CPQ: variants seen among roughly 807,000 people sequenced by gnomAD.
CPQ encodes the protein Ser-Met dipeptidase.
CPQ carries 37 observed loss-of-function variants against 45.7 expected under a neutral mutation model. The ratio of observed to expected loss-of-function variants is 0.81; its 90% CI spans 0.62 to 1.07. CPQ has a LOEUF of 1.07. Among genes scored for constraint, CPQ ranks in the 50% least tolerant of loss-of-function variants. The pLI, the probability that CPQ is intolerant of heterozygous loss-of-function variation, is 0.00. For synonymous variants in CPQ, 186 were observed against 205.8 expected, an observed-to-expected ratio of 0.90 and a Z score of 0.82; for missense variants, 537 against 572.9, an observed-to-expected ratio of 0.94 and a Z score of 0.64.
intron 1 of CPQ, among the ~76,000 whole-genome samples, chr8:96,680,228 A>C (rs759709060): frequency 5.3e-5 from 8 of 152,174 alleles, no homozygotes; most frequent in Non-Finnish European, 7.3e-5. Context: ...TACAGTTTCC[A>C]AAGTTCCTCT....
chr8:96,691,467 C>G (rs1374589214), intron 1 of CPQ, among the ~76,000 whole-genome samples: 1 of 152,082 alleles, frequency 6.6e-6, no homozygotes, highest in African/African-American at 2.4e-5. Flanking sequence ...TTTTGGGGGA[C>G]CATTACTCAA....
At chr8:96,904,522 C>T (rs190319821) in intron 4 of CPQ, among the ~76,000 whole-genome samples, 2 of 152,268 alleles carry the variant, frequency 1.3e-5, no homozygotes, top group Admixed American at 1.3e-4. Context: ...TGATCTGTCA[C>T]CTGGTCCTCT....
chr8:96,750,998 T>G (rs1380056716), intron 1 of CPQ, among the ~76,000 whole-genome samples: 4 of 152,268 alleles, frequency 2.6e-5, no homozygotes, highest in African/African-American at 9.6e-5. Flanking sequence ...AGTATTCCAT[T>G]ATGTATATGT....
At chr8:96,685,712 T>A (rs1809218276) in intron 1 of CPQ, among the ~76,000 whole-genome samples, 1 of 152,150 alleles carries the variant, frequency 6.6e-6, no homozygotes, top group Non-Finnish European at 1.5e-5. Flanking sequence ...TTCTTATTTT[T>A]CCTGTGAACT....
chr8:97,114,485 C>G (rs1032571494), intron 7 of CPQ, among the ~76,000 whole-genome samples: 1 of 152,194 alleles, frequency 6.6e-6, no homozygotes, highest in Non-Finnish European at 1.5e-5. Context: ...GCCTGGCACA[C>G]AGTAGGTGTT....
intron 7 of CPQ, among the ~76,000 whole-genome samples, chr8:97,101,951 CCTCTCTCTCT>C (rs150834817): frequency 3.3e-5 from 3 of 90,738 alleles, no homozygotes; most frequent in African/African-American, 9.0e-5. Flanking sequence ...TCCCTCCCTC[CCTCTCTCTCT>C]CTCTCTCTCT....
chr8:96,683,330 A>G (rs1809176572), intron 1 of CPQ, among the ~76,000 whole-genome samples: 1 of 152,158 alleles, frequency 6.6e-6, no homozygotes, highest in Non-Finnish European at 1.5e-5. Context: ...CACTTTGAAT[A>G]TATCATTCCA....
chr8:96,731,737 G>A (rs893999797), intron 1 of CPQ, among the ~76,000 whole-genome samples: 2 of 152,176 alleles, frequency 1.3e-5, no homozygotes, highest in Non-Finnish European at 2.9e-5. Context: ...AGGTGGGAAG[G>A]AGTTCTCTAT....
intron 5 of CPQ, among the ~76,000 whole-genome samples, chr8:96,996,321 G>C (rs1809177898): frequency 6.6e-6 from 1 of 151,948 alleles, no homozygotes; most frequent in African/African-American, 2.4e-5. Flanking sequence ...TCAACTGGTG[G>C]CTAGAGGCTT....
At chr8:96,707,741 G>A (rs371234563) in intron 1 of CPQ, among the ~76,000 whole-genome samples, 1 of 151,574 alleles carries the variant, frequency 6.6e-6, no homozygotes, top group Non-Finnish European at 1.5e-5. Context: ...TTGTAGTTCT[G>A]GGAGTCAGAA....
chr8:97,124,354 T>C (rs1811810846), intron 7 of CPQ, among the ~76,000 whole-genome samples: 1 of 152,048 alleles, frequency 6.6e-6, no homozygotes, highest in Admixed American at 6.5e-5. Flanking sequence ...TTTCAACACT[T>C]CTCAGCAGTT....
intron 4 of CPQ, among the ~76,000 whole-genome samples, chr8:96,913,434 C>T (rs1812693814): frequency 6.6e-6 from 1 of 152,136 alleles, no homozygotes; most frequent in Non-Finnish European, 1.5e-5. Flanking sequence ...TAAATTAATT[C>T]TTAAATGAAA....
intron 1 of CPQ, among the ~76,000 whole-genome samples, chr8:96,664,668 T>C (rs761354440): frequency 6.6e-6 from 1 of 151,396 alleles, no homozygotes; most frequent in Non-Finnish European, 1.5e-5. Flanking sequence ...AGAAAGGAGG[T>C]GAGGAGTAAG....
chr8:96,787,116 TTAC>T (rs1029628201), intron 2 of CPQ, among the ~76,000 whole-genome samples: 1 of 152,066 alleles, frequency 6.6e-6, no homozygotes, highest in Non-Finnish European at 1.5e-5. Flanking sequence ...TCACAAACAT[TTAC>T]TACTACTACT....
intron 4 of CPQ, among the ~76,000 whole-genome samples, chr8:96,935,503 G>T (rs2130315497): frequency 6.6e-6 from 1 of 152,218 alleles, no homozygotes; most frequent in Non-Finnish European, 1.5e-5. Context: ...AGGTTACCAG[G>T]TTTCTGTTTC....
chr8:96,646,818 T>C lies in CPQ; in HGVS notation c.-35+1416T>C, dbSNP rs530166045. 2.6e-5 allele frequency among the ~76,000 whole-genome samples: 4 copies of C among 152,350 alleles called. No homozygotes were observed. In the South Asian group the frequency reaches 6.2e-4, roughly 24 times the overall value. ...GGAGTTCTGCTTACTTCACCTCCCA[T>C]AGCATTTTGTCTCTGCTCTCTTCTT... On this transcript the variant is annotated intron_variant, in intron 1 of 7. Transcript: ENST00000220763.
intron 1 of CPQ, among the ~76,000 whole-genome samples, chr8:96,770,724 TAA>T (rs919168454): frequency 1.4e-4 from 21 of 147,190 alleles, no homozygotes; most frequent in Middle Eastern, 3.6e-3. Context: ...TATATATATA[TAA>T]AATATATAAT....
intron 5 of CPQ, among the ~76,000 whole-genome samples, chr8:96,979,432 A>G (rs1216024394): frequency 6.6e-6 from 1 of 152,226 alleles, no homozygotes; most frequent in South Asian, 2.1e-4. Context: ...GTGGTGGATG[A>G]GCCAGCTTCT....
At position 96,884,268 on chromosome 8, in the gene CPQ, TA is replaced by T. The variant is rs997823765; in HGVS notation, c.849+4272del. Among the ~76,000 whole-genome samples the T allele has an allele frequency of 1.4e-4, 22 of 151,858 alleles. 1 individual carries two copies. The East Asian group carries it at 4.1e-3, about 28-fold the overall frequency. On this transcript the variant is annotated intron_variant, in intron 4 of 7. Transcript: ENST00000220763. ...CCTATTCAGTCTATTTTCAGCATAT[TA>T]AAAAAAAATTCTGTTCCTACCTTGC...
Sources: gnomAD v4.1 joint callset for allele counts (sites outside exome capture counted in the v4.1 genomes callset) on GRCh38, gnomAD v4.1.1 for gene constraint, MANE v1.5 for transcripts, NCBI Gene and HGNC (gene_info 2026-07-23, HGNC 2026-07-21) for gene names.